The following UNC5D variants were observed in gnomAD, a reference collection of about 807,000 sequenced individuals.
The protein encoded by UNC5D is netrin receptor UNC5D.
Under a neutral mutation model 105.4 loss-of-function variants are expected in UNC5D, and 39 were observed. That is an observed-to-expected ratio of 0.37 (90% CI 0.29 to 0.48). The LOEUF (loss-of-function observed/expected upper bound fraction) is 0.48, where lower values mean the gene tolerates loss of function less well. UNC5D is among the 20% of genes least tolerant of loss of function. The probability of loss-of-function intolerance (pLI) is 0.98; values close to 1 mark genes in which losing one functional copy is unlikely to be tolerated. For missense variants in UNC5D, 991 were observed against 1,202.4 expected, an observed-to-expected ratio of 0.82 and a Z score of 2.60; for synonymous variants, 452 against 450.4, an observed-to-expected ratio of 1.00 and a Z score of -0.04.
chr8:35,413,367 T>G (rs1455037794), intron 1 of UNC5D, among the ~76,000 whole-genome samples: 1 of 151,008 alleles, frequency 6.6e-6, no homozygotes, highest in Non-Finnish European at 1.5e-5. Flanking sequence ...AGATTAGGGT[T>G]TTTACAGACT....
chr8:35,603,566 G>A (rs1820048136), intron 4 of UNC5D, among the ~76,000 whole-genome samples: 1 of 152,030 alleles, frequency 6.6e-6, no homozygotes, highest in Non-Finnish European at 1.5e-5. Flanking sequence ...GGTCCACTTG[G>A]TGCAGAGCTG....
At chr8:35,626,655 G>T (rs1021594218) in intron 4 of UNC5D, among the ~76,000 whole-genome samples, 1 of 152,188 alleles carries the variant, frequency 6.6e-6, no homozygotes, top group Non-Finnish European at 1.5e-5. Flanking sequence ...TTGCTGTGTT[G>T]CTATTACTTT....
chr8:35,248,993 AT>A (rs1803469915), intron 1 of UNC5D, among the ~76,000 whole-genome samples: 2 of 79,932 alleles, frequency 2.5e-5, no homozygotes, highest in Non-Finnish European at 2.2e-5. Flanking sequence ...ATAATATATT[AT>A]ATATAAACAT....
At chr8:35,286,598 G>T (rs577112058) in intron 1 of UNC5D, among the ~76,000 whole-genome samples, 1 of 152,252 alleles carries the variant, frequency 6.6e-6, no homozygotes, top group African/African-American at 2.4e-5. Context: ...ATCTGGTCCT[G>T]CCCAAGCCTA....
At chr8:35,313,719 G>A (rs1809071329) in intron 1 of UNC5D, among the ~76,000 whole-genome samples, 1 of 152,144 alleles carries the variant, frequency 6.6e-6, no homozygotes, top group Admixed American at 6.5e-5. Context: ...GGAGCTATGT[G>A]GTGTTGGTAA....
chr8:35,542,060 G>C (rs1815315989), intron 1 of UNC5D, among the ~76,000 whole-genome samples: 1 of 152,180 alleles, frequency 6.6e-6, no homozygotes, highest in African/African-American at 2.4e-5. Flanking sequence ...TATAAGATTG[G>C]CACAGGTGAG....
At chr8:35,643,386 G>A (rs1822869010) in intron 4 of UNC5D, among the ~76,000 whole-genome samples, 1 of 151,956 alleles carries the variant, frequency 6.6e-6, no homozygotes, top group Non-Finnish European at 1.5e-5. Context: ...TGGTGATCTC[G>A]GCTTACTGCA....
intron 3 of UNC5D, among the ~76,000 whole-genome samples, chr8:35,568,630 A>C (rs1410898684): frequency 6.6e-6 from 1 of 152,244 alleles, no homozygotes; most frequent in Non-Finnish European, 1.5e-5. Context: ...TGGAGGTTGC[A>C]GGGAACTGAG....
chr8:35,725,918 A>G (rs977137861), intron 9 of UNC5D, among the ~76,000 whole-genome samples: 1 of 152,174 alleles, frequency 6.6e-6, no homozygotes, highest in Admixed American at 6.5e-5. Context: ...AGATCTCTGG[A>G]AAGTGAAAGA....
intron 7 of UNC5D, among the ~76,000 whole-genome samples, chr8:35,702,935 T>A (rs1268060296): frequency 1.3e-5 from 2 of 152,022 alleles, no homozygotes; most frequent in African/African-American, 4.8e-5. Context: ...TTTGAATAAT[T>A]TTTACTCTGT....
At chr8:35,740,326 A>G (rs1227959587) in intron 11 of UNC5D, among the ~76,000 whole-genome samples, 1 of 152,224 alleles carries the variant, frequency 6.6e-6, no homozygotes, top group African/African-American at 2.4e-5. Context: ...GAAGGTAGGA[A>G]TATCAGAGGG....
intron 4 of UNC5D, among the ~76,000 whole-genome samples, chr8:35,682,841 C>A (rs1825759953): frequency 6.6e-6 from 1 of 152,140 alleles, no homozygotes; most frequent in African/African-American, 2.4e-5. Context: ...AATGGGAGTA[C>A]CCTGTGCTCA....
chr8:35,704,885 C>A (rs533797820), intron 7 of UNC5D, among the ~76,000 whole-genome samples: 10 of 150,206 alleles, frequency 6.7e-5, no homozygotes, highest in Non-Finnish European at 1.2e-4. Flanking sequence ...GGACAGGAGA[C>A]AATGAATGGG....
intron 1 of UNC5D, among the ~76,000 whole-genome samples, chr8:35,371,065 T>C (rs1802401359): frequency 6.6e-6 from 1 of 151,972 alleles, no homozygotes; most frequent in South Asian, 2.1e-4. Context: ...AAGCAAATAA[T>C]TTACTGGGCA....
intron 1 of UNC5D, among the ~76,000 whole-genome samples, chr8:35,479,801 T>A (rs1810355332): frequency 6.6e-6 from 1 of 152,120 alleles, no homozygotes; most frequent in Non-Finnish European, 1.5e-5. Flanking sequence ...AGAACATAGG[T>A]TGGAAGGCTA....
At chr8:35,516,034 C>T (rs1586025456) in intron 1 of UNC5D, among the ~76,000 whole-genome samples, 1 of 152,164 alleles carries the variant, frequency 6.6e-6, no homozygotes, top group Non-Finnish European at 1.5e-5. Flanking sequence ...GTTCCTGTCT[C>T]ATTACCTAAT....
intron 1 of UNC5D, among the ~76,000 whole-genome samples, chr8:35,288,303 C>T (rs1806768627): frequency 6.6e-6 from 1 of 151,916 alleles, no homozygotes. Flanking sequence ...ATGGTATACT[C>T]AGAATACTGG....
Position 35,247,061 on chromosome 8 carries a change from T to A in UNC5D, c.103+11174T>A, listed in dbSNP as rs532124864. Among the ~76,000 whole-genome samples, 6 of 152,174 alleles carry A rather than the reference T, an allele frequency of 3.9e-5. No homozygotes were observed. In the East Asian group the frequency reaches 1.2e-3, roughly 29 times the overall value. On this transcript the variant is annotated intron_variant, in intron 1 of 16. Transcript: ENST00000404895. ...TTTAGAGGTCATTTCCGTCCGTCCC[T>A]GCCCATGAATCCAGGTCTTCATTTT...
chr8:35,244,256 G>A (rs763833373), intron 1 of UNC5D, among the ~76,000 whole-genome samples: 17 of 152,186 alleles, frequency 1.1e-4, no homozygotes, highest in African/African-American at 3.4e-4. Flanking sequence ...AGGACTAGAA[G>A]CCAAGCCTTC....
Sources: gnomAD v4.1 joint callset for allele counts (sites outside exome capture counted in the v4.1 genomes callset) on GRCh38, gnomAD v4.1.1 for gene constraint, MANE v1.5 for transcripts, NCBI Gene and HGNC (gene_info 2026-07-23, HGNC 2026-07-21) for gene names.